STIL: variants seen among roughly 807,000 people sequenced by gnomAD.
STIL encodes SCL-interrupting locus protein.
In STIL, 55 loss-of-function variants were observed where a neutral mutation model predicts 110.1. That is an observed-to-expected ratio of 0.50 (90% confidence interval 0.40 to 0.63). The LOEUF (loss-of-function observed/expected upper bound fraction) is 0.63, where lower values mean the gene tolerates loss of function less well. Ranked by LOEUF, STIL falls within the 20% of genes least tolerant of loss-of-function variation. STIL has a pLI of 0.00. For missense variants in STIL, 1,358 were observed against 1,530.0 expected (o/e 0.89, Z 1.87); for synonymous variants, 481 against 530.0 (o/e 0.91, Z 1.27).
chr1:47,255,897 C>G (rs1570001901), intron 16 of STIL, among the ~76,000 whole-genome samples: 1 of 152,188 alleles, frequency 6.6e-6, no homozygotes, highest in African/African-American at 2.4e-5. Context: ...CCTTCCCCTG[C>G]CTTAGCCACT....
chr1:47,299,700 C>T lies in STIL; in HGVS notation c.701+205G>A, dbSNP rs1346603306. 3 of 558,600 alleles carry T rather than the reference C, an allele frequency of 5.4e-6. No homozygotes were observed. In the South Asian group the frequency reaches 6.0e-5, roughly 11 times the overall value. The allele number at this position is 558,600 out of a possible 1,614,324, so 34.6% of individuals were successfully genotyped here. A position where few individuals can be genotyped will look rare whatever the true frequency, so the allele number is the denominator to read the frequency against. On this transcript the variant is annotated intron_variant, in intron 6 of 16. Transcript: ENST00000371877. ...GAGCCACTGCGCCAGGCCCTACCAC[C>T]AATTTTTTGTAGGTGGTGGCACAAC...
At chr1:47,286,000 G>A (rs907122734) in intron 10 of STIL, among the ~76,000 whole-genome samples, 12 of 151,774 alleles carry the variant, frequency 7.9e-5, no homozygotes, top group Admixed American at 6.6e-4. Context: ...TCAGCGTACC[G>A]AGTAGCTGGG....
At chr1:47,268,740 AAGAG>A (rs199673398) in intron 14 of STIL, among the ~76,000 whole-genome samples, 1,787 of 150,692 alleles carry the variant, frequency 0.012, 32 homozygotes, top group African/African-American at 0.041. Flanking sequence ...ACTGAGCAAC[AAGAG>A]AGAAACTCCA....
intron 16 of STIL, among the ~76,000 whole-genome samples, chr1:47,256,192 A>T (rs1297992737): frequency 8.5e-5 from 13 of 152,244 alleles, no homozygotes; most frequent in Non-Finnish European, 1.9e-4. Flanking sequence ...ACTGACAGTA[A>T]ATACTACAAA....
At position 47,289,596 on chromosome 1, in the gene STIL, A is replaced by G; in HGVS notation, c.873-11T>C. 1.2e-6 allele frequency: 2 copies of G among 1,608,952 alleles called. No homozygotes were observed. Among genetic ancestry groups the G allele is most frequent in the Non-Finnish European group, 1.7e-6 (2 of 1,175,512 alleles). On this transcript the variant is annotated splice_polypyrimidine_tract_variant and intron_variant, in intron 8 of 16. Coordinates refer to ENST00000371877, the MANE Select transcript of STIL (RefSeq NM_001048166.1). Reference sequence around the variant, plus strand: ...GATTCTGAAAAAACCCTGCACAAAAAAAGTCATTTAATTAAAATTTAATGA... The same window carrying G: ...GATTCTGAAAAAACCCTGCACAAAAGAAGTCATTTAATTAAAATTTAATGA...
At chr1:47,272,861 ACT>A (rs1644881205) in intron 12 of STIL, among the ~76,000 whole-genome samples, 1 of 152,110 alleles carries the variant, frequency 6.6e-6, no homozygotes, top group African/African-American at 2.4e-5. Flanking sequence ...GTATACTCTG[ACT>A]CTCTGACTCC....
intron 2 of STIL, among the ~76,000 whole-genome samples, chr1:47,306,282 TA>T (rs1406139756): frequency 2.3e-5 from 2 of 88,564 alleles, no homozygotes; most frequent in Non-Finnish European, 4.7e-5. Flanking sequence ...TTTTTTTTTT[TA>T]AAGAGCAGGG....
upstream of STIL, chr1:47,314,163 A>C (rs1412965785): frequency 6.6e-6 from 1 of 152,242 alleles, no homozygotes; most frequent in East Asian, 1.9e-4. Context: ...GGCAAACACA[A>C]GCTCGCGAAA....
intron 15 of STIL, 76 bp downstream of exon 15, chr1:47,262,825 AAC>A: frequency 7.3e-7 from 1 of 1,370,500 alleles, no homozygotes; most frequent in Non-Finnish European, 1.0e-6. Context: ...AATCAGTTTA[AAC>A]CTAGGAAAAG....
chr1:47,265,258 A>AAAAAAAAAC, intron 14 of STIL, among the ~76,000 whole-genome samples: 1 of 150,876 alleles, frequency 6.6e-6, no homozygotes, highest in African/African-American at 2.4e-5. Flanking sequence ...AAAAAAAAAA[A>AAAAAAAAAC]AACACAAGAT....
At chr1:47,271,931 A>G in intron 13 of STIL, 145 bp downstream of exon 13, 2 of 786,712 alleles carry the variant, frequency 2.5e-6, no homozygotes, top group South Asian at 3.5e-5. Flanking sequence ...AAAGACTAAA[A>G]TCACACAAAA....
intron 14 of STIL, among the ~76,000 whole-genome samples, chr1:47,269,088 C>CA (rs60406768): frequency 0.089 from 9,652 of 108,292 alleles, 334 homozygotes; most frequent in Middle Eastern, 0.17. Context: ...GGGACTCCGT[C>CA]AAAAAAAAAA....
chr1:47,312,090 G>T (rs1375349271), intron 1 of STIL, among the ~76,000 whole-genome samples: 2 of 152,156 alleles, frequency 1.3e-5, no homozygotes, highest in African/African-American at 4.8e-5. Flanking sequence ...TATTAATCCA[G>T]ATGCAGAGAT....
At chr1:47,268,928 C>G (rs955903735) in intron 14 of STIL, among the ~76,000 whole-genome samples, 8 of 151,594 alleles carry the variant, frequency 5.3e-5, no homozygotes, top group Non-Finnish European at 1.2e-4. Context: ...CCCATCTCTA[C>G]TAAAAATACA....
At chr1:47,261,330 G>A (rs899394902) in intron 15 of STIL, among the ~76,000 whole-genome samples, 33 of 151,964 alleles carry the variant, frequency 2.2e-4, no homozygotes, top group African/African-American at 7.7e-4. Flanking sequence ...CCAGGTTGCA[G>A]AGAGCTGAGA....
intron 9 of STIL, among the ~76,000 whole-genome samples, chr1:47,288,892 CAAAAAAA>C (rs138649605): frequency 2.1e-5 from 2 of 94,790 alleles, no homozygotes; most frequent in Non-Finnish European, 4.3e-5. Context: ...AATGAAAATA[CAAAAAAA>C]AAAAAAAAAA....
intron 16 of STIL, among the ~76,000 whole-genome samples, chr1:47,253,002 A>C (rs1269614545): frequency 6.6e-6 from 1 of 152,118 alleles, no homozygotes; most frequent in East Asian, 1.9e-4. Flanking sequence ...GTCATTTGCT[A>C]ATGTTGGCAC....
intron 15 of STIL, among the ~76,000 whole-genome samples, chr1:47,261,036 G>C (rs1306330731): frequency 6.6e-6 from 1 of 152,116 alleles, no homozygotes; most frequent in Non-Finnish European, 1.5e-5. Flanking sequence ...ACATCCTAAT[G>C]AACAATTTCA....
At chr1:47,252,553 T>A (rs937304486) in intron 16 of STIL, among the ~76,000 whole-genome samples, 1 of 152,150 alleles carries the variant, frequency 6.6e-6, no homozygotes, top group Admixed American at 6.5e-5. Context: ...GTCATCAACA[T>A]AGCTATGAGT....
Sources: gnomAD v4.1 joint callset for allele counts (sites outside exome capture counted in the v4.1 genomes callset) on GRCh38, gnomAD v4.1.1 for gene constraint, MANE v1.5 for transcripts, NCBI Gene and HGNC (gene_info 2026-07-23, HGNC 2026-07-21) for gene names.